COL14A1: variants seen among roughly 807,000 people sequenced by gnomAD.
COL14A1 encodes collagen alpha-1(XIV) chain.
In COL14A1, 136 loss-of-function variants were observed where a neutral mutation model predicts 230.3. The ratio of observed to expected loss-of-function variants is 0.59; its 90% CI spans 0.51 to 0.68. COL14A1 has a LOEUF of 0.68. COL14A1 is among the 30% of genes least tolerant of loss of function. The pLI, the probability that COL14A1 is intolerant of heterozygous loss-of-function variation, is 0.00. For missense variants in COL14A1, 1,976 were observed against 2,215.8 expected (o/e 0.89, Z 2.17); for synonymous variants, 792 against 784.1 (o/e 1.01, Z -0.17).
At chr8:120,234,769 A>T (rs1818385934) in intron 19 of COL14A1, among the ~76,000 whole-genome samples, 1 of 152,134 alleles carries the variant, frequency 6.6e-6, no homozygotes, top group African/African-American at 2.4e-5. Context: ...TTGGCCTGAA[A>T]TGTTCTTTTT....
intron 1 of COL14A1, among the ~76,000 whole-genome samples, chr8:120,137,308 T>C (rs1814748101): frequency 6.6e-6 from 1 of 152,182 alleles, no homozygotes; most frequent in African/African-American, 2.4e-5. Flanking sequence ...AGTAGGCAGT[T>C]ATATCCTCTG....
chr8:120,361,884 C>G (rs536348498), intron 45 of COL14A1, among the ~76,000 whole-genome samples: 13 of 152,304 alleles, frequency 8.5e-5, no homozygotes, highest in African/African-American at 2.9e-4. Context: ...AAACAGACAA[C>G]CAAGGGCCAG....
chr8:120,227,458 A>T (rs751370136), intron 17 of COL14A1, 106 bp downstream of exon 17: 2 of 1,402,794 alleles, frequency 1.4e-6, no homozygotes, highest in Admixed American at 2.1e-5. Context: ...GTAAGCTTCA[A>T]TTTCTCTTTG....
At chr8:120,231,652 A>G (rs1586788031) in intron 19 of COL14A1, 34 bp downstream of exon 19, 1 of 1,602,026 alleles carries the variant, frequency 6.2e-7, no homozygotes, top group Admixed American at 1.7e-5. Flanking sequence ...GAAACTCTGC[A>G]GATGTTACTA....
chr8:120,195,644 C>T (rs1327309806), intron 5 of COL14A1, among the ~76,000 whole-genome samples: 3 of 152,148 alleles, frequency 2.0e-5, no homozygotes, highest in Non-Finnish European at 4.4e-5. Flanking sequence ...GAAGCAAAGG[C>T]ACATCTTACT....
chr8:120,168,433 C>T (rs1371841152), intron 5 of COL14A1, among the ~76,000 whole-genome samples, 186 bp downstream of exon 5: 1 of 152,164 alleles, frequency 6.6e-6, no homozygotes, highest in African/African-American at 2.4e-5. Context: ...TGGCACGTGA[C>T]CTTTCAGGCA....
intron 2 of COL14A1, among the ~76,000 whole-genome samples, chr8:120,156,233 G>A (rs1815474800): frequency 6.6e-6 from 1 of 150,612 alleles, no homozygotes; most frequent in Non-Finnish European, 1.5e-5. Context: ...GCAGTAGCCT[G>A]ATCTCAGCTC....
At chr8:120,162,927 C>T (rs1025524454) in intron 4 of COL14A1, among the ~76,000 whole-genome samples, 1 of 152,168 alleles carries the variant, frequency 6.6e-6, no homozygotes, top group Non-Finnish European at 1.5e-5. Context: ...TTCTCTGTGA[C>T]CCCTAGAAGC....
chr8:120,152,521 C>A (rs78853596), intron 2 of COL14A1, among the ~76,000 whole-genome samples: 3,318 of 148,248 alleles, frequency 0.022, 46 homozygotes, highest in African/African-American at 0.03. Flanking sequence ...ATTCTTGCTC[C>A]TTAATTGCTA....
chr8:120,272,351 A>G (rs1197635258), intron 26 of COL14A1, among the ~76,000 whole-genome samples: 1 of 151,796 alleles, frequency 6.6e-6, no homozygotes, highest in African/African-American at 2.4e-5. Context: ...TCTTGAAAGC[A>G]TAAAACTCAT....
At chr8:120,249,227 T>C (rs1207194021) in intron 21 of COL14A1, among the ~76,000 whole-genome samples, 1 of 151,860 alleles carries the variant, frequency 6.6e-6, no homozygotes, top group Non-Finnish European at 1.5e-5. Context: ...CTAGTTTCAA[T>C]CTTTCATCTG....
chr8:120,349,072 C>A (rs898932630), intron 45 of COL14A1, among the ~76,000 whole-genome samples: 3 of 152,180 alleles, frequency 2.0e-5, no homozygotes, highest in Non-Finnish European at 2.9e-5. Flanking sequence ...CAAGTGGGTC[C>A]CTGACCCCTG....
At chr8:120,357,059 A>G (rs766172414) in intron 45 of COL14A1, among the ~76,000 whole-genome samples, 1 of 152,180 alleles carries the variant, frequency 6.6e-6, no homozygotes, top group South Asian at 2.1e-4. Flanking sequence ...ACTCTTATGT[A>G]TTAGTGAGCT....
chr8:120,320,168 A>C (rs1389818083), intron 40 of COL14A1, among the ~76,000 whole-genome samples: 1 of 152,186 alleles, frequency 6.6e-6, no homozygotes, highest in Non-Finnish European at 1.5e-5. Context: ...AAGTGGAAAA[A>C]ATAATATTTG....
intron 1 of COL14A1, among the ~76,000 whole-genome samples, chr8:120,127,563 A>G (rs1814385428): frequency 6.6e-6 from 1 of 152,198 alleles, no homozygotes; most frequent in Non-Finnish European, 1.5e-5. Flanking sequence ...ATTTTTCAGA[A>G]TCAGCCAGGG....
At chr8:120,336,942 A>G (rs1443837420) in intron 42 of COL14A1, among the ~76,000 whole-genome samples, 1 of 152,174 alleles carries the variant, frequency 6.6e-6, no homozygotes, top group African/African-American at 2.4e-5. Flanking sequence ...GTCCCTTCGC[A>G]GGCTGTTAGG....
chr8:120,277,888 A>G, intron 26 of COL14A1: 1 of 276,448 alleles, frequency 3.6e-6, no homozygotes, highest in Non-Finnish European at 6.7e-6. Flanking sequence ...ACAAACCTAC[A>G]CAATGTACCC....
intron 33 of COL14A1, among the ~76,000 whole-genome samples, chr8:120,287,791 A>T (rs1434573983): frequency 6.6e-6 from 1 of 152,122 alleles, no homozygotes; most frequent in African/African-American, 2.4e-5. Context: ...GAATATCTCA[A>T]TGCAAATTCA....
intron 5 of COL14A1, among the ~76,000 whole-genome samples, chr8:120,185,940 T>G (rs1816639481): frequency 6.6e-6 from 1 of 152,042 alleles, no homozygotes; most frequent in African/African-American, 2.4e-5. Context: ...GACCAGCTAA[T>G]TTTTTGTATT....
Sources: gnomAD v4.1 joint callset for allele counts (sites outside exome capture counted in the v4.1 genomes callset) on GRCh38, gnomAD v4.1.1 for gene constraint, MANE v1.5 for transcripts, NCBI Gene and HGNC (gene_info 2026-07-23, HGNC 2026-07-21) for gene names.